Variants in CLSTN2 observed in about 807,000 individuals in gnomAD.
CLSTN2 encodes calsyntenin 2.
A neutral mutation model predicts 101.2 loss-of-function variants in CLSTN2; 48 were observed. That is an observed-to-expected ratio of 0.47 (90% CI 0.38 to 0.60). The LOEUF is 0.60. Among genes scored for constraint, CLSTN2 ranks in the 20% least tolerant of loss-of-function variants. CLSTN2 has a pLI of 0.00. For missense variants in CLSTN2, 1,160 were observed against 1,238.2 expected (o/e 0.94, Z 0.95); for synonymous variants, 481 against 463.6 (o/e 1.04, Z -0.48).
chr3:140,218,105 A>G (rs1414157004), intron 2 of CLSTN2, among the ~76,000 whole-genome samples: 2 of 152,238 alleles, frequency 1.3e-5, no homozygotes, highest in African/African-American at 2.4e-5. Flanking sequence ...CTGAATGTTG[A>G]TGAGAAAATG....
At chr3:140,020,325 G>A (rs2007282145) in intron 1 of CLSTN2, among the ~76,000 whole-genome samples, 1 of 152,140 alleles carries the variant, frequency 6.6e-6, no homozygotes, top group Non-Finnish European at 1.5e-5. Context: ...TTGTGCAAGA[G>A]GGATGGAGAG....
intron 8 of CLSTN2, among the ~76,000 whole-genome samples, chr3:140,513,587 T>TTTTC (rs1162868851): frequency 2.8e-5 from 4 of 144,742 alleles, no homozygotes; most frequent in African/African-American, 1.0e-4. Context: ...TTCTTTCTTT[T>TTTTC]TTTTTTTTTT....
At chr3:140,378,785 A>C (rs375659352) in intron 2 of CLSTN2, among the ~76,000 whole-genome samples, 1 of 152,278 alleles carries the variant, frequency 6.6e-6, no homozygotes, top group East Asian at 1.9e-4. Context: ...GCTCCAATTT[A>C]CTTTTCTCTA....
At chr3:139,988,439 G>A (rs1318419356) in intron 1 of CLSTN2, among the ~76,000 whole-genome samples, 1 of 152,154 alleles carries the variant, frequency 6.6e-6, no homozygotes, top group Non-Finnish European at 1.5e-5. Context: ...ATATCCCATG[G>A]TGTTTGTGGA....
chr3:140,359,993 TACACAC>T lies in CLSTN2; in HGVS notation c.233-43606_233-43601del, dbSNP rs55746611. 9.8e-3 allele frequency among the ~76,000 whole-genome samples: 1,428 copies of T among 145,932 alleles called. 8 individuals are homozygous for T. Among genetic ancestry groups the T allele is most frequent in the African/African-American group, 0.012 (494 of 39,614 alleles). On this transcript the variant is annotated intron_variant, in intron 2 of 16. Coordinates refer to ENST00000458420, the MANE Select transcript of CLSTN2 (RefSeq NM_022131.3). ...TATACACACATACATACATATTTTATACACACACACACACACACACACACACACACA... is the reference window on the plus strand; with the variant it reads ...TATACACACATACATACATATTTTATACACACACACACACACACACACACA...
chr3:140,412,261 C>T (rs1044409993), intron 4 of CLSTN2, among the ~76,000 whole-genome samples: 1 of 152,204 alleles, frequency 6.6e-6, no homozygotes, highest in African/African-American at 2.4e-5. Flanking sequence ...GTGATCCGCC[C>T]ACCTCAACCT....
intron 5 of CLSTN2, among the ~76,000 whole-genome samples, chr3:140,429,058 G>T: frequency 6.6e-6 from 1 of 152,180 alleles, no homozygotes; most frequent in South Asian, 2.1e-4. Context: ...CTTTTGTGTT[G>T]AAAAGACAGT....
At chr3:140,145,470 T>C (rs1034894924) in intron 1 of CLSTN2, among the ~76,000 whole-genome samples, 1 of 152,270 alleles carries the variant, frequency 6.6e-6, no homozygotes, top group Non-Finnish European at 1.5e-5. Context: ...AAGGAAGTTA[T>C]TGAGAGAAGT....
chr3:140,222,833 A>G (rs1266774180), intron 2 of CLSTN2, among the ~76,000 whole-genome samples: 1 of 150,470 alleles, frequency 6.6e-6, no homozygotes, highest in African/African-American at 2.4e-5. Flanking sequence ...AAATATAGAC[A>G]CCTACTACAC....
chr3:140,130,127 T>A (rs908157615), intron 1 of CLSTN2, among the ~76,000 whole-genome samples: 1 of 152,114 alleles, frequency 6.6e-6, no homozygotes, highest in Non-Finnish European at 1.5e-5. Flanking sequence ...TTTCTAAACT[T>A]GGAGGAGGGC....
chr3:140,007,859 T>G (rs1010168375), intron 1 of CLSTN2, among the ~76,000 whole-genome samples: 1 of 152,226 alleles, frequency 6.6e-6, no homozygotes, highest in African/African-American at 2.4e-5. Context: ...GGAGGAGAGA[T>G]GTTGGCTGAT....
At chr3:140,190,499 G>A (rs1342655932) in intron 2 of CLSTN2, among the ~76,000 whole-genome samples, 1 of 146,190 alleles carries the variant, frequency 6.8e-6, no homozygotes, top group East Asian at 2.0e-4. Flanking sequence ...AGTTAAACAT[G>A]TATAGCAACT....
chr3:140,009,776 A>C (rs978542345), intron 1 of CLSTN2, among the ~76,000 whole-genome samples: 6 of 152,232 alleles, frequency 3.9e-5, no homozygotes, highest in African/African-American at 1.4e-4. Context: ...AAAGATTTTC[A>C]TATGTATTTA....
chr3:140,355,544 A>G (rs1354089891), intron 2 of CLSTN2, among the ~76,000 whole-genome samples: 1 of 152,216 alleles, frequency 6.6e-6, no homozygotes, highest in African/African-American at 2.4e-5. Flanking sequence ...GACAGCAAGC[A>G]TTTGCTGCTA....
At chr3:139,963,982 C>A (rs1306100344) in intron 1 of CLSTN2, among the ~76,000 whole-genome samples, 1 of 152,180 alleles carries the variant, frequency 6.6e-6, no homozygotes, top group Admixed American at 6.5e-5. Context: ...AGCTGTCTCC[C>A]CCACTCTCTC....
At chr3:140,353,195 T>TTGTG in intron 2 of CLSTN2, among the ~76,000 whole-genome samples, 1 of 148,410 alleles carries the variant, frequency 6.7e-6, no homozygotes, top group East Asian at 2.0e-4. Flanking sequence ...TGTGTTGGGG[T>TTGTG]TCTGTAGAGG....
At chr3:140,263,050 C>G (rs372315890) in intron 2 of CLSTN2, among the ~76,000 whole-genome samples, 1 of 151,366 alleles carries the variant, frequency 6.6e-6, no homozygotes, top group Admixed American at 6.6e-5. Flanking sequence ...CACATCCCCC[C>G]CAAAAAAACC....
In CLSTN2 at chr3:140,251,230, C is replaced by T. The variant is rs117461930; in HGVS notation, c.232+75157C>T. ...TGCCAGATAGTGACTTCATTGTTCTCGGTACTGAAATTTGGCATCTCTTCT... is the reference window on the plus strand; with the variant it reads ...TGCCAGATAGTGACTTCATTGTTCTTGGTACTGAAATTTGGCATCTCTTCT... On this transcript the variant is annotated intron_variant, in intron 2 of 16. Transcript: ENST00000458420. 1.5e-3 allele frequency among the ~76,000 whole-genome samples: 221 copies of T among 152,186 alleles called. 2 individuals carry two copies. In the East Asian group the frequency reaches 0.036, roughly 25 times the overall value.
At chr3:140,072,974 C>G (rs543794575) in intron 1 of CLSTN2, among the ~76,000 whole-genome samples, 70 of 152,262 alleles carry the variant, frequency 4.6e-4, no homozygotes, top group African/African-American at 1.6e-3. Flanking sequence ...CCTCACTTTT[C>G]TCTTTTCAAA....
Sources: allele counts gnomAD v4.1 joint callset (sites outside exome capture counted in the v4.1 genomes callset), GRCh38; gene constraint gnomAD v4.1.1; transcripts MANE v1.5; gene names NCBI Gene and HGNC (gene_info 2026-07-23, HGNC 2026-07-21).